STX19: variants seen among roughly 807,000 people sequenced by gnomAD.
The protein encoded by STX19 is syntaxin 19, also known as syntaxin-19.
Under a neutral mutation model 24.3 loss-of-function variants are expected in STX19, and 26 were observed. The ratio of observed to expected loss-of-function variants is 1.07; its 90% CI spans 0.78 to 1.48. The LOEUF (loss-of-function observed/expected upper bound fraction) is 1.48, where lower values mean the gene tolerates loss of function less well. STX19 is among the 40% of genes most tolerant of loss of function. The probability of loss-of-function intolerance (pLI) is 0.00; values close to 1 mark genes in which losing one functional copy is unlikely to be tolerated. For missense variants in STX19, 367 were observed against 331.9 expected (o/e 1.11, Z -0.82); for synonymous variants, 116 against 106.9 (o/e 1.09, Z -0.52).
At chr3:94,020,113 G>C (rs2076417042) in intron 1 of STX19, among the ~76,000 whole-genome samples, 1 of 152,088 alleles carries the variant, frequency 6.6e-6, no homozygotes, top group Admixed American at 6.6e-5. Context: ...ATGAGATCAA[G>C]GGTTTTTATT....
At chr3:94,017,521 C>A (rs1341671288) in intron 1 of STX19, among the ~76,000 whole-genome samples, 1 of 151,966 alleles carries the variant, frequency 6.6e-6, no homozygotes, top group African/African-American at 2.4e-5. Flanking sequence ...TGGTAATATT[C>A]CTTTGGTTTT....
At chr3:94,018,463 A>G (rs562341674) in intron 1 of STX19, among the ~76,000 whole-genome samples, 1 of 151,496 alleles carries the variant, frequency 6.6e-6, no homozygotes, top group African/African-American at 2.4e-5. Context: ...CTTTATCACT[A>G]TTTTCTTTTT....
At chr3:94,019,225 C>T (rs2076397433) in intron 1 of STX19, among the ~76,000 whole-genome samples, 1 of 151,974 alleles carries the variant, frequency 6.6e-6, no homozygotes. Context: ...GAGACAGAGT[C>T]TCCCTCTGTT....
chr3:94,015,786 T>C (rs2076321042), intron 1 of STX19, among the ~76,000 whole-genome samples: 1 of 152,178 alleles, frequency 6.6e-6, no homozygotes, highest in African/African-American at 2.4e-5. Flanking sequence ...TTAAGCTATA[T>C]GGATAATATT....
intron 1 of STX19, among the ~76,000 whole-genome samples, chr3:94,028,135 T>C (rs1172899414): frequency 6.6e-6 from 1 of 152,200 alleles, no homozygotes; most frequent in Non-Finnish European, 1.5e-5. Flanking sequence ...TTTTCTTTCC[T>C]CTAAAGTTGA....
Position 94,015,259 on chromosome 3 carries a change from C to A in STX19, c.11G>T (p.Arg4Leu). Reference protein sequence around the residue: MKDRLQELKQRTKE... With the variant: MKDLLQELKQRTKE... ...TGTTCTCTGCTTTAGTTCTTGAAGT[C>A]GGTCTTTCATCTTCCCTTTCCTCCT... is the stretch of plus-strand genomic sequence containing the variant. The change falls in exon 2 of 2, where the codon CGA becomes CTA. Residue 4 changes from arginine to leucine, a missense_variant. By Grantham distance (102) the Arg-to-Leu change is moderately radical (BLOSUM62 -2). Coordinates refer to ENST00000315099, the MANE Select transcript of STX19 (RefSeq NM_001001850.3). 2 of 1,537,144 alleles carry A rather than the reference C, an allele frequency of 1.3e-6. No individual in the cohort carries two copies. Among genetic ancestry groups the A allele is most frequent in the South Asian group, 1.3e-5 (1 of 78,374 alleles).
chr3:94,021,113 C>T (rs979329684), intron 1 of STX19, among the ~76,000 whole-genome samples: 2 of 151,450 alleles, frequency 1.3e-5, no homozygotes, highest in African/African-American at 4.8e-5. Context: ...GAATATTAGA[C>T]GATACTATAG....
chr3:94,015,135 A>G lies in STX19; in HGVS notation c.135T>C (p.Pro45=), dbSNP rs2076303821. Residue 45 remains proline, a synonymous_variant, in exon 2 of 2, where the codon CCT becomes CCC. Coordinates refer to ENST00000315099, the MANE Select transcript of STX19 (RefSeq NM_001001850.3). ...LQQAVIYERE[P]VAERHLHEIQ... ...TTTCATGTAGGTGTCTCTCAGCTAC[A>G]GGCTCTCTTTCATAAATAACAGCTT... 1 of 1,614,028 alleles carries G rather than the reference A, an allele frequency of 6.2e-7. No individual in the cohort carries two copies.
intron 1 of STX19, among the ~76,000 whole-genome samples, chr3:94,018,490 C>T (rs1201922505): frequency 6.6e-6 from 1 of 152,048 alleles, no homozygotes; most frequent in African/African-American, 2.4e-5. Context: ...TACTCCTTAT[C>T]TCCCCCACCT....
chr3:94,022,996 C>T (rs1357889808), intron 1 of STX19, among the ~76,000 whole-genome samples: 1 of 151,736 alleles, frequency 6.6e-6, no homozygotes, highest in East Asian at 1.9e-4. Flanking sequence ...TTTTGAGGCT[C>T]CTTTCCTGGA....
At position 94,022,034 on chromosome 3, in the gene STX19, T is replaced by C. The variant is rs1227639893; in HGVS notation, c.-14+6333A>G. On this transcript the variant is annotated intron_variant, in intron 1 of 1. Coordinates refer to ENST00000315099, the MANE Select transcript of STX19 (RefSeq NM_001001850.3). ...TCCTTAAAGACAGTCATAAAGGCAG[T>C]CATTTTCAGCTCCTTAGCTATATGT... 2.0e-5 allele frequency among the ~76,000 whole-genome samples: 3 copies of C among 152,176 alleles called. No individual in the cohort carries two copies. The East Asian group carries it at 5.8e-4, about 29-fold the overall frequency.
intron 1 of STX19, among the ~76,000 whole-genome samples, chr3:94,016,497 T>C (rs1034023248): frequency 6.6e-6 from 1 of 152,158 alleles, no homozygotes; most frequent in African/African-American, 2.4e-5. Flanking sequence ...TGGAACTTTA[T>C]ACTAAAAATA....
chr3:94,027,242 A>G (rs1387117626), intron 1 of STX19, among the ~76,000 whole-genome samples: 1 of 152,070 alleles, frequency 6.6e-6, no homozygotes, highest in South Asian at 2.1e-4. Context: ...TCTTATTGTA[A>G]TATATTAACC....
chr3:94,015,271 T>G lies in STX19; in HGVS notation c.-2A>C. On this transcript the variant is annotated 5_prime_UTR_variant, in exon 2 of 2. Coordinates refer to ENST00000315099, the MANE Select transcript of STX19 (RefSeq NM_001001850.3). ...TAGTTCTTGAAGTCGGTCTTTCATC[T>G]TCCCTTTCCTCCTAAGAAGCAAAAA... 6.5e-7 allele frequency: 1 copy of G among 1,528,314 alleles called. No homozygotes were observed. The highest frequency in any genetic ancestry group is 1.4e-5 in the African/African-American group (1 of 71,838). 94.7% of individuals were successfully genotyped at this position (1,528,314 alleles called of 1,614,324 possible).
At position 94,015,105 on chromosome 3, in the gene STX19, T is replaced by C. The variant is rs879233943; in HGVS notation, c.165A>G (p.Gln55=). The part of the protein sequence containing the change: ...PVAERHLHEI[Q]KLQESINNLA... Reference sequence around the variant, plus strand: ...AATTGTTAATACTTTCCTGTAGTTTTTGGATTTCATGTAGGTGTCTCTCAG... The same window carrying C: ...AATTGTTAATACTTTCCTGTAGTTTCTGGATTTCATGTAGGTGTCTCTCAG... The change falls in exon 2 of 2, where the codon CAA becomes CAG. Residue 55 remains glutamine, a synonymous_variant. Transcript: ENST00000315099. 3 of 1,613,902 alleles carry C rather than the reference T, an allele frequency of 1.9e-6. No individual in the cohort carries two copies. The highest frequency in any genetic ancestry group is 2.5e-6 in the Non-Finnish European group (3 of 1,179,926).
In STX19 at chr3:94,014,440, CT is replaced by C. The variant is rs745879072; in HGVS notation, c.829del (p.Arg277GlufsTer?). Reference sequence around the variant, plus strand: ...ACAACACAGTACTCTGCAAGGATTTCTTTTTTTGTATTTTACAGCTAGTCCA... The same window carrying C: ...ACAACACAGTACTCTGCAAGGATTTCTTTTTTGTATTTTACAGCTAGTCCA... ...KFGLAVKYKK[R>X]NPCRVLCCWC... On this transcript the variant is annotated frameshift_variant, in exon 2 of 2. Coordinates refer to ENST00000315099, the MANE Select transcript of STX19 (RefSeq NM_001001850.3). LOFTEE classifies it high-confidence loss of function. 6.3e-6 allele frequency: 10 copies of C among 1,593,986 alleles called. No individual in the cohort carries two copies. Among genetic ancestry groups the C allele is most frequent in the South Asian group, 5.8e-5 (5 of 86,032 alleles).
chr3:94,014,597 G>C lies in STX19; in HGVS notation c.673C>G (p.Gln225Glu), dbSNP rs778820747. 6.2e-7 allele frequency: 1 copy of C among 1,612,726 alleles called. No individual in the cohort carries two copies. Among genetic ancestry groups the C allele is most frequent in the Admixed American group, 1.7e-5 (1 of 59,832 alleles). ...RHKELVNLEN[Q>E]IKDLRDLFIQ... ...AAAAGATCCCTTAAATCCTTTATTT[G>C]GTTCTCCAAATTAACAAGTTCCTTG... Residue 225 changes from glutamine (Q) to glutamate (E), a missense_variant, in exon 2 of 2, where the codon CAA (glutamine) becomes GAA (glutamate). Physicochemically the swap from Gln to Glu is conservative, Grantham distance 29. Transcript: ENST00000315099.
intron 1 of STX19, among the ~76,000 whole-genome samples, chr3:94,025,566 G>T (rs1261053899): frequency 6.6e-6 from 1 of 152,164 alleles, no homozygotes; most frequent in East Asian, 1.9e-4. Context: ...TTAAATGTGG[G>T]CAAGTGTATT....
intron 1 of STX19, among the ~76,000 whole-genome samples, chr3:94,028,107 T>TA (rs2076595598): frequency 6.6e-6 from 1 of 152,180 alleles, no homozygotes; most frequent in African/African-American, 2.4e-5. Flanking sequence ...AGCTTACTTT[T>TA]TAAAAGACTT....
Sources: gnomAD v4.1 joint callset for allele counts (sites outside exome capture counted in the v4.1 genomes callset) on GRCh38, gnomAD v4.1.1 for gene constraint, MANE v1.5 for transcripts, NCBI Gene and HGNC (gene_info 2026-07-23, HGNC 2026-07-21) for gene names.